Variants in ZNF804A observed in about 807,000 individuals in gnomAD.
ZNF804A encodes zinc finger protein 804A.
In ZNF804A, 2 loss-of-function variants were observed where a neutral mutation model predicts 16.5. The observed-to-expected ratio is 0.12, with a 90% CI of 0.05 to 0.38. The LOEUF (loss-of-function observed/expected upper bound fraction) is 0.38, where lower values mean the gene tolerates loss of function less well. Among genes scored for constraint, ZNF804A ranks in the 10% least tolerant of loss-of-function variants. ZNF804A has a pLI of 0.99. For synonymous variants in ZNF804A, 534 were observed against 489.6 expected (o/e 1.09, Z -1.20); for missense variants, 1,473 against 1,390.7 (o/e 1.06, Z -0.94).
chr2:184,893,496 T>C (rs1396881008), intron 2 of ZNF804A, among the ~76,000 whole-genome samples: 1 of 151,776 alleles, frequency 6.6e-6, no homozygotes, highest in Non-Finnish European at 1.5e-5. Context: ...GATCATTATA[T>C]ACATCAAATG....
intron 2 of ZNF804A, among the ~76,000 whole-genome samples, chr2:184,924,183 G>C (rs557541380): frequency 6.6e-6 from 1 of 151,946 alleles, no homozygotes; most frequent in South Asian, 2.1e-4. Flanking sequence ...CAATTCAGTA[G>C]TAAAGTCATC....
chr2:184,601,704 A>G (rs1401330058), intron 1 of ZNF804A, among the ~76,000 whole-genome samples: 1 of 151,756 alleles, frequency 6.6e-6, no homozygotes, highest in African/African-American at 2.4e-5. Context: ...TGTATTTTGA[A>G]TCGTGTACCA....
intron 2 of ZNF804A, among the ~76,000 whole-genome samples, chr2:184,874,968 A>T (rs548583157): frequency 4.6e-5 from 7 of 152,182 alleles, no homozygotes; most frequent in Non-Finnish European, 1.0e-4. Flanking sequence ...CATAACAGGA[A>T]ATACAGTATT....
At chr2:184,658,338 T>C (rs1692114917) in intron 1 of ZNF804A, among the ~76,000 whole-genome samples, 1 of 152,104 alleles carries the variant, frequency 6.6e-6, no homozygotes, top group Non-Finnish European at 1.5e-5. Flanking sequence ...TAGCTGGGCG[T>C]GGTGGCAGAC....
intron 1 of ZNF804A, among the ~76,000 whole-genome samples, chr2:184,790,685 G>A (rs889463011): frequency 1.3e-5 from 2 of 151,706 alleles, no homozygotes; most frequent in Non-Finnish European, 2.9e-5. Context: ...CTCACTGCAA[G>A]CTCCCCCTCC....
rs186682092 is a variant in ZNF804A, at chr2:184,800,772, C to T, written c.112-65597C>T. Among the ~76,000 whole-genome samples, 4 of 152,142 alleles carry T rather than the reference C, an allele frequency of 2.6e-5. No individual in the cohort carries two copies. The East Asian group carries it at 7.7e-4, about 29-fold the overall frequency. On this transcript the variant is annotated intron_variant, in intron 1 of 3. Transcript: ENST00000302277. ...CATACCTAATTTTTCACTCCCATCA[C>T]TTATGATATTTCTAGAGTTCATTTT... is the stretch of plus-strand genomic sequence containing the variant.
At chr2:184,785,332 G>T (rs946253946) in intron 1 of ZNF804A, among the ~76,000 whole-genome samples, 7 of 151,978 alleles carry the variant, frequency 4.6e-5, no homozygotes, top group African/African-American at 1.7e-4. Flanking sequence ...AATACTCTGT[G>T]ATTAAGTGTG....
chr2:184,755,395 C>T (rs1693944508), intron 1 of ZNF804A, among the ~76,000 whole-genome samples: 1 of 151,820 alleles, frequency 6.6e-6, no homozygotes, highest in Non-Finnish European at 1.5e-5. Context: ...GGGTGCATCC[C>T]AACAATGCAT....
At chr2:184,862,863 G>C (rs749555590) in intron 1 of ZNF804A, among the ~76,000 whole-genome samples, 1 of 152,038 alleles carries the variant, frequency 6.6e-6, no homozygotes, top group African/African-American at 2.4e-5. Context: ...TGCACACACT[G>C]ACTGGGATAT....
intron 1 of ZNF804A, among the ~76,000 whole-genome samples, chr2:184,810,484 CTTTTTT>C (rs1175105602): frequency 7.7e-4 from 74 of 95,996 alleles, no homozygotes; most frequent in African/African-American, 3.1e-3. Context: ...TGTTCTTTTC[CTTTTTT>C]TTTTTTTTTT....
At chr2:184,719,193 C>T (rs141801694) in intron 1 of ZNF804A, among the ~76,000 whole-genome samples, 6 of 152,194 alleles carry the variant, frequency 3.9e-5, no homozygotes, top group East Asian at 1.9e-4. Flanking sequence ...TACCTTGGCC[C>T]GTTTTAGTCA....
chr2:184,637,471 C>A (rs1691720396), intron 1 of ZNF804A, among the ~76,000 whole-genome samples: 1 of 152,094 alleles, frequency 6.6e-6, no homozygotes, highest in South Asian at 2.1e-4. Context: ...TGTTTAACGA[C>A]AATTTAACAT....
chr2:184,668,659 TG>T (rs1692290369), intron 1 of ZNF804A, among the ~76,000 whole-genome samples: 1 of 151,908 alleles, frequency 6.6e-6, no homozygotes, highest in African/African-American at 2.4e-5. Flanking sequence ...AAGAGATATT[TG>T]GAAAGTTATA....
At chr2:184,663,704 C>T (rs992016750) in intron 1 of ZNF804A, among the ~76,000 whole-genome samples, 2 of 152,108 alleles carry the variant, frequency 1.3e-5, no homozygotes, top group African/African-American at 4.8e-5. Context: ...GATGGCAACC[C>T]ATGGACCAAT....
intron 1 of ZNF804A, among the ~76,000 whole-genome samples, chr2:184,737,889 C>A (rs944162344): frequency 6.6e-6 from 1 of 151,948 alleles, no homozygotes; most frequent in African/African-American, 2.4e-5. Context: ...TTTGGAAGGC[C>A]GAGGCAGGCT....
At chr2:184,742,068 A>G (rs1693716600) in intron 1 of ZNF804A, among the ~76,000 whole-genome samples, 2 of 152,206 alleles carry the variant, frequency 1.3e-5, no homozygotes, top group South Asian at 4.1e-4. Flanking sequence ...AATAAGATAT[A>G]AAATCTGCTC....
rs952961826 is a variant in ZNF804A at position 184,637,428 on chromosome 2, G to T, written c.111+38358G>T. On this transcript the variant is annotated intron_variant, in intron 1 of 3. Transcript: ENST00000302277. Reference sequence around the variant, plus strand: ...GTAAAATCTGGATTATTATATTTAAGTCTTTTCCATATTTGCTGCAAAAGA... The same window carrying T: ...GTAAAATCTGGATTATTATATTTAATTCTTTTCCATATTTGCTGCAAAAGA... Among the ~76,000 whole-genome samples the T allele has an allele frequency of 2.0e-5, 3 of 152,124 alleles. No homozygotes were observed. In the South Asian group the frequency reaches 6.2e-4, roughly 32 times the overall value.
At position 184,939,083 on chromosome 2, in the gene ZNF804A, G is replaced by T; in HGVS notation, c.*57G>T. The T allele has an allele frequency of 1.9e-6, 3 of 1,570,868 alleles. No homozygotes were observed. Among genetic ancestry groups the T allele is most frequent in the South Asian group, 2.4e-5 (2 of 84,544 alleles). On this transcript the variant is annotated 3_prime_UTR_variant, in exon 4 of 4. Coordinates refer to ENST00000302277, the MANE Select transcript of ZNF804A (RefSeq NM_194250.2). ...TGAAAACTATTGCTATATGCGTTAAGTGTTCATCTATGTGGGTACATGGCT... is the reference window on the plus strand; with the variant it reads ...TGAAAACTATTGCTATATGCGTTAATTGTTCATCTATGTGGGTACATGGCT...
chr2:184,730,847 C>CT (rs35119389), intron 1 of ZNF804A, among the ~76,000 whole-genome samples: 46,696 of 145,266 alleles, frequency 0.32, 9,422 homozygotes, highest in African/African-American at 0.59. Flanking sequence ...CAATTTGCAG[C>CT]TTTTTTTTTT....
Sources: allele counts gnomAD v4.1 joint callset (sites outside exome capture counted in the v4.1 genomes callset), GRCh38; gene constraint gnomAD v4.1.1; transcripts MANE v1.5; gene names NCBI Gene and HGNC (gene_info 2026-07-23, HGNC 2026-07-21).